The following CHIC1 variants were observed in gnomAD, a reference collection of about 807,000 sequenced individuals.
The protein encoded by CHIC1 is cysteine rich hydrophobic domain 1.
A neutral mutation model predicts 18.5 loss-of-function variants in CHIC1; 7 were observed. That is an observed-to-expected ratio of 0.38 (90% confidence interval 0.22 to 0.71). The LOEUF (loss-of-function observed/expected upper bound fraction) is 0.71, where lower values mean the gene tolerates loss of function less well. Among genes scored for constraint, CHIC1 ranks in the 30% least tolerant of loss-of-function variants. The probability of loss-of-function intolerance (pLI) is 0.49; values close to 1 mark genes in which losing one functional copy is unlikely to be tolerated. For missense variants in CHIC1, 159 were observed against 176.9 expected (o/e 0.90, Z 0.57); for synonymous variants, 77 against 73.5 (o/e 1.05, Z -0.25).
At chrX:73,661,363 G>T (rs770274988) in intron 3 of CHIC1, among the ~76,000 whole-genome samples, 4 of 112,118 alleles carry the variant, frequency 3.6e-5, no homozygotes, top group African/African-American at 1.3e-4. Flanking sequence ...GTCCTCTAGG[G>T]TTAACACCTC....
At chrX:73,671,697 A>T (rs1389178003) in intron 3 of CHIC1, among the ~76,000 whole-genome samples, 1 of 106,190 alleles carries the variant, frequency 9.4e-6, no homozygotes, top group African/African-American at 3.4e-5. Context: ...CTTGTTTGTT[A>T]TCTTATATCT....
At chrX:73,665,420 C>T (rs1224030627) in intron 3 of CHIC1, among the ~76,000 whole-genome samples, 1 of 111,391 alleles carries the variant, frequency 9.0e-6, no homozygotes, top group African/African-American at 3.3e-5. Flanking sequence ...ATCTACCATA[C>T]CTTCTTCCAG....
intron 3 of CHIC1, among the ~76,000 whole-genome samples, chrX:73,621,076 G>A (rs2057757971): frequency 8.9e-6 from 1 of 111,878 alleles, no homozygotes; most frequent in South Asian, 3.7e-4. Flanking sequence ...TTTTGTACCA[G>A]TACCATGCTG....
rs1297739172 is a variant in CHIC1 at position 73,563,599 on chromosome X, T to C, written c.296+19T>C. ...TCACTGTGTAAGCGAGAGGGGGTCTTGGGACTTGAAATGCCTGAGATTTGG... is the reference window on the plus strand; with the variant it reads ...TCACTGTGTAAGCGAGAGGGGGTCTCGGGACTTGAAATGCCTGAGATTTGG... On this transcript the variant is annotated intron_variant, in intron 1 of 5. Coordinates refer to ENST00000373502, the MANE Select transcript of CHIC1 (RefSeq NM_001039840.4). 8.6e-6 allele frequency: 9 copies of C among 1,050,413 alleles called. No homozygotes were observed. The highest frequency in any genetic ancestry group is 9.8e-6 in the Non-Finnish European group (8 of 813,329). 86.6% of individuals were successfully genotyped at this position (1,050,413 alleles called of 1,213,427 possible).
intron 3 of CHIC1, among the ~76,000 whole-genome samples, chrX:73,671,866 C>T (rs1338272781): frequency 5.5e-5 from 6 of 109,597 alleles, no homozygotes; most frequent in Non-Finnish European, 1.1e-4. Context: ...GTGTGCTGCA[C>T]CCATTAACTC....
rs869309622 is a variant in CHIC1 at position 73,658,248 on chromosome X, G to GTTTTTTT, written c.508-21053_508-21047dup. Among the ~76,000 whole-genome samples the GTTTTTTT allele has an allele frequency of 5.0e-3, 84 of 16,712 alleles. 17 individuals are homozygous for GTTTTTTT. Among genetic ancestry groups the GTTTTTTT allele is most frequent in the Admixed American group, 0.01 (8 of 792 alleles). 14.5% of individuals were successfully genotyped at this position (16,712 alleles called of 115,157 possible). A position where few individuals can be genotyped will look rare whatever the true frequency, so the allele number is the denominator to read the frequency against. ...ATTCAGCTGTGAATCCTGGTCCTAG[G>GTTTTTTT]TTTTTTTTTTTTTTTTTTTTTTTTT... is the stretch of plus-strand genomic sequence containing the variant. On this transcript the variant is annotated intron_variant, in intron 3 of 5. Transcript: ENST00000373502.
At chrX:73,658,363 C>T (rs2057962309) in intron 3 of CHIC1, among the ~76,000 whole-genome samples, 1 of 96,679 alleles carries the variant, frequency 1.0e-5, no homozygotes, top group Non-Finnish European at 2.0e-5. Flanking sequence ...TGGTTCAGTC[C>T]TAGGAGGTTG....
chrX:73,572,911 T>C (rs781194241), intron 1 of CHIC1, among the ~76,000 whole-genome samples: 14 of 110,808 alleles, frequency 1.3e-4, no homozygotes, highest in African/African-American at 4.6e-4. Context: ...TGTCTGTTGA[T>C]TGATAATTTC....
intron 3 of CHIC1, among the ~76,000 whole-genome samples, chrX:73,677,394 C>T (rs2058071609): frequency 8.9e-6 from 1 of 112,083 alleles, no homozygotes; most frequent in African/African-American, 3.2e-5. Flanking sequence ...GTTCAAGCTT[C>T]CCGGCTGCTT....
At chrX:73,588,989 A>G (rs1395149648) in intron 3 of CHIC1, among the ~76,000 whole-genome samples, 1 of 110,374 alleles carries the variant, frequency 9.1e-6, no homozygotes, top group Non-Finnish European at 1.9e-5. Context: ...TTTTCAAAGA[A>G]AAAACTTTTG....
At chrX:73,619,075 C>T (rs1419903212) in intron 3 of CHIC1, among the ~76,000 whole-genome samples, 1 of 112,068 alleles carries the variant, frequency 8.9e-6, no homozygotes, top group East Asian at 2.8e-4. Context: ...CCTTAGGTTC[C>T]CCAGTGAGGG....
chrX:73,648,592 T>A (rs751425666), intron 3 of CHIC1, among the ~76,000 whole-genome samples: 1 of 111,509 alleles, frequency 9.0e-6, no homozygotes. Context: ...AACAGCTGAA[T>A]TGACCAAGTG....
intron 1 of CHIC1, among the ~76,000 whole-genome samples, chrX:73,567,961 C>G (rs1002735198): frequency 1.8e-5 from 2 of 111,297 alleles, no homozygotes; most frequent in Non-Finnish European, 3.8e-5. Flanking sequence ...ATTGCAATGA[C>G]AAGAACAATT....
At chrX:73,632,030 C>T (rs755600426) in intron 3 of CHIC1, among the ~76,000 whole-genome samples, 13 of 111,758 alleles carry the variant, frequency 1.2e-4, no homozygotes, top group Non-Finnish European at 2.1e-4. Flanking sequence ...GAATTTTCTG[C>T]GAATGTCTGT....
intron 3 of CHIC1, among the ~76,000 whole-genome samples, chrX:73,652,072 A>G (rs1363966461): frequency 8.9e-6 from 1 of 111,805 alleles, no homozygotes; most frequent in Admixed American, 9.5e-5. Context: ...GACCTTAGAA[A>G]TAACACCACA....
chrX:73,610,104 T>A (rs2057700798), intron 3 of CHIC1, among the ~76,000 whole-genome samples: 1 of 109,238 alleles, frequency 9.2e-6, no homozygotes, highest in Non-Finnish European at 1.9e-5. Flanking sequence ...ATCAATGTTT[T>A]TAGCTCCCAC....
intron 3 of CHIC1, among the ~76,000 whole-genome samples, chrX:73,646,584 G>A (rs1170475074): frequency 8.9e-6 from 1 of 111,890 alleles, no homozygotes; most frequent in Non-Finnish European, 1.9e-5. Flanking sequence ...GTACAGTTTT[G>A]TGATGCTATT....
chrX:73,678,172 A>G (rs1435696207), intron 3 of CHIC1, among the ~76,000 whole-genome samples: 2 of 111,606 alleles, frequency 1.8e-5, no homozygotes, highest in African/African-American at 3.3e-5. Context: ...ATCTCCTTAG[A>G]TTACTTCAGC....
intron 3 of CHIC1, among the ~76,000 whole-genome samples, chrX:73,606,680 T>C (rs1231270679): frequency 3.7e-5 from 4 of 108,876 alleles, no homozygotes; most frequent in East Asian, 5.7e-4. Context: ...TGTACGTCCT[T>C]TTTGTTGATG....
Sources: allele counts gnomAD v4.1 joint callset (sites outside exome capture counted in the v4.1 genomes callset), GRCh38; gene constraint gnomAD v4.1.1; transcripts MANE v1.5; gene names NCBI Gene and HGNC (gene_info 2026-07-23, HGNC 2026-07-21).